The following EBF3 variants were observed in gnomAD, a reference collection of about 807,000 sequenced individuals.
EBF3 encodes the protein EBF transcription factor 3.
Under a neutral mutation model 77.1 loss-of-function variants are expected in EBF3, and 18 were observed. The observed-to-expected ratio is 0.23, with a 90% CI of 0.16 to 0.35. EBF3 has a LOEUF of 0.35. EBF3 is among the 10% of genes least tolerant of loss of function. The pLI, the probability that EBF3 is intolerant of heterozygous loss-of-function variation, is 1.00. For synonymous variants in EBF3, 350 were observed against 343.5 expected, an observed-to-expected ratio of 1.02 and a Z score of -0.21; for missense variants, 558 against 860.0, an observed-to-expected ratio of 0.65 and a Z score of 4.39.
At chr10:129,949,050 G>T (rs1219008088) in intron 6 of EBF3, among the ~76,000 whole-genome samples, 1 of 152,212 alleles carries the variant, frequency 6.6e-6, no homozygotes, top group South Asian at 2.1e-4. Context: ...TGTAATCCCA[G>T]CACTTTGGGA....
intron 6 of EBF3, among the ~76,000 whole-genome samples, chr10:129,919,308 C>T (rs1383911627): frequency 6.6e-6 from 1 of 152,006 alleles, no homozygotes; most frequent in Non-Finnish European, 1.5e-5. Flanking sequence ...GGAAGGCTGT[C>T]CAGGTGGAGG....
At chr10:129,930,506 GTCTA>G (rs1856938700) in intron 6 of EBF3, among the ~76,000 whole-genome samples, 1 of 130,018 alleles carries the variant, frequency 7.7e-6, no homozygotes, top group African/African-American at 3.2e-5. Flanking sequence ...ATCTATATCT[GTCTA>G]TATCTATCTC....
At chr10:129,882,898 C>G (rs747183641) in intron 6 of EBF3, among the ~76,000 whole-genome samples, 11 of 152,240 alleles carry the variant, frequency 7.2e-5, no homozygotes, top group Non-Finnish European at 1.3e-4. Context: ...TTGTTCTCAC[C>G]TAACTGAAGC....
intron 6 of EBF3, among the ~76,000 whole-genome samples, chr10:129,888,057 G>A (rs775171806): frequency 1.3e-5 from 2 of 152,156 alleles, no homozygotes; most frequent in Admixed American, 1.3e-4. Context: ...CCTTCTCTTC[G>A]TGAGAAAAGG....
chr10:129,892,835 C>T (rs1382747707), intron 6 of EBF3, among the ~76,000 whole-genome samples: 1 of 152,232 alleles, frequency 6.6e-6, no homozygotes, highest in Non-Finnish European at 1.5e-5. Flanking sequence ...AAAACGCTTT[C>T]CCAATCTGTG....
chr10:129,842,419 T>A lies in EBF3; in HGVS notation c.1195-126A>T. On this transcript the variant is annotated intron_variant, in intron 12 of 16. Transcript: ENST00000440978. The surrounding 1 kb of genome is among the most constrained non-coding windows in gnomAD (Gnocchi z 4.4). The stretch of plus-strand genomic sequence containing the variant: ...CCAGACCATGACCAAATCTATTTCT[T>A]AATGGGCAAAGAGCTTCCCCTAGAA... The A allele has an allele frequency of 1.8e-6, 2 of 1,109,800 alleles. No individual in the cohort carries two copies. Among genetic ancestry groups the A allele is most frequent in the Non-Finnish European group, 2.5e-6 (2 of 802,354 alleles). 68.7% of individuals were successfully genotyped at this position (1,109,800 alleles called of 1,614,324 possible).
chr10:129,867,983 C>A (rs753580653), intron 8 of EBF3, 71 bp from the exon 9 acceptor site: 7 of 1,570,082 alleles, frequency 4.5e-6, no homozygotes, highest in Non-Finnish European at 6.1e-6. Context: ...GCTCGGCCAC[C>A]GCGCGTCCCG....
rs928110282 is a variant in EBF3 at position 129,962,080 on chromosome 10, C to G, written c.411+91G>C. Reference sequence around the variant, plus strand: ...GGAAACTCAATGGAAAACAAATACACGAGATCCATTTGTCAGTGCCCTTGC... The same window carrying G: ...GGAAACTCAATGGAAAACAAATACAGGAGATCCATTTGTCAGTGCCCTTGC... On this transcript the variant is annotated intron_variant, in intron 4 of 16. Coordinates refer to ENST00000440978, the MANE Select transcript of EBF3 (RefSeq NM_001375380.1). 3.3e-6 allele frequency: 4 copies of G among 1,201,756 alleles called. No homozygotes were observed. The African/African-American group carries it at 4.5e-5, about 14-fold the overall frequency. The allele number at this position is 1,201,756 out of a possible 1,614,324, so 74.4% of individuals were successfully genotyped here. A position where few individuals can be genotyped will look rare whatever the true frequency, so the allele number is the denominator to read the frequency against.
intron 7 of EBF3, among the ~76,000 whole-genome samples, chr10:129,875,832 G>A (rs1289277816): frequency 1.3e-5 from 2 of 152,192 alleles, no homozygotes; most frequent in Non-Finnish European, 2.9e-5. Flanking sequence ...GCCTGGAGGA[G>A]CCAAGGCCTG....
chr10:129,883,925 T>A (rs1034394917), intron 6 of EBF3, among the ~76,000 whole-genome samples: 1 of 152,194 alleles, frequency 6.6e-6, no homozygotes, highest in Admixed American at 6.5e-5. Flanking sequence ...TATGCCAACA[T>A]CACTTCAGCG....
At chr10:129,962,430 C>T (rs1859598620) in intron 3 of EBF3, among the ~76,000 whole-genome samples, 1 of 151,954 alleles carries the variant, frequency 6.6e-6, no homozygotes, top group South Asian at 2.1e-4. Context: ...AACCTTAAGG[C>T]TCTTAGGGCT....
intron 4 of EBF3, among the ~76,000 whole-genome samples, chr10:129,961,484 C>G (rs1859517415): frequency 6.6e-6 from 1 of 152,146 alleles, no homozygotes; most frequent in Non-Finnish European, 1.5e-5. Context: ...TAGTTATCAT[C>G]GGAAAAGTTG....
chr10:129,958,878 G>A (rs1859251212), intron 5 of EBF3, 56 bp downstream of exon 5: 7 of 1,555,208 alleles, frequency 4.5e-6, no homozygotes, highest in Non-Finnish European at 6.1e-6. Flanking sequence ...GTCCTTTGTA[G>A]ACGCAGCTGG....
chr10:129,915,675 G>A (rs1358283237), intron 6 of EBF3, among the ~76,000 whole-genome samples: 1 of 152,200 alleles, frequency 6.6e-6, no homozygotes, highest in Non-Finnish European at 1.5e-5. Flanking sequence ...GCATGTGGAG[G>A]AGAGCACAAT....
chr10:129,912,348 C>G (rs1855584672), intron 6 of EBF3, among the ~76,000 whole-genome samples: 1 of 152,176 alleles, frequency 6.6e-6, no homozygotes, highest in Non-Finnish European at 1.5e-5. Context: ...TTAATGCAAA[C>G]CATATGCAGA....
Position 129,848,402 on chromosome 10 carries a change from C to T in EBF3, c.1118G>A (p.Arg373Lys). The change falls in exon 11 of 17, where the codon AGG becomes AAG. Residue 373 changes from arginine (R) to lysine (K), a missense_variant. This residue lies in a region of EBF3 where 284 missense variants were observed against 368.3 expected (regional missense o/e 0.77). Transcript: ENST00000440978. This position sits in a 1 kb window ranked among gnomAD's most constrained non-coding sequence, Gnocchi z 4.4. ...TGCTCTTTTACTAACCTTGGGTAAC[C>T]TTTCGGGATCACCCGGATGTCTTGG... The part of the protein sequence containing the change: ...VIPRHPGDPE[R>K]LPKEVLLKRA... 6.2e-7 allele frequency: 1 copy of T among 1,614,210 alleles called. No homozygotes were observed. The highest frequency in any genetic ancestry group is 8.5e-7 in the Non-Finnish European group (1 of 1,180,040).
At chr10:129,890,890 C>T (rs530159159) in intron 6 of EBF3, among the ~76,000 whole-genome samples, 15 of 152,118 alleles carry the variant, frequency 9.9e-5, no homozygotes, top group Non-Finnish European at 1.9e-4. Flanking sequence ...GTTGTGAGAC[C>T]GCGCTACTTT....
intron 6 of EBF3, among the ~76,000 whole-genome samples, chr10:129,949,331 G>A (rs960746152): frequency 2.6e-5 from 4 of 152,278 alleles, no homozygotes; most frequent in East Asian, 1.9e-4. Context: ...GAAAAGAAAA[G>A]AGAAAAAGAA....
rs528239995 is a variant in EBF3, at chr10:129,848,068, T to C, written c.1128+324A>G. 3.3e-5 allele frequency among the ~76,000 whole-genome samples: 5 copies of C among 152,354 alleles called. No homozygotes were observed. Among genetic ancestry groups the C allele is most frequent in the Admixed American group, 3.3e-4 (5 of 15,306 alleles). On this transcript the variant is annotated intron_variant, in intron 11 of 16. Transcript: ENST00000440978. The surrounding 1 kb of genome is among the most constrained non-coding windows in gnomAD (Gnocchi z 4.4). ...GTGGAAAATGTTTAATTGAACTATT[T>C]CATTACGCGGAAGTTTATGTCCCCC...
Sources: allele counts gnomAD v4.1 joint callset (sites outside exome capture counted in the v4.1 genomes callset), GRCh38; gene constraint gnomAD v4.1.1; regional missense constraint gnomAD v4.1.1; non-coding constraint Gnocchi (gnomAD v3.1); transcripts MANE v1.5; gene names NCBI Gene and HGNC (gene_info 2026-07-23, HGNC 2026-07-21).